The following ZMYM2 variants were observed in gnomAD, a reference collection of about 807,000 sequenced individuals.
The protein encoded by ZMYM2 is zinc finger MYM-type protein 2.
Under a neutral mutation model 162.8 loss-of-function variants are expected in ZMYM2, and 56 were observed. The ratio of observed to expected loss-of-function variants is 0.34; its 90% CI spans 0.28 to 0.43. The LOEUF (loss-of-function observed/expected upper bound fraction) is 0.43, where lower values mean the gene tolerates loss of function less well. Ranked by LOEUF, ZMYM2 falls within the 20% of genes least tolerant of loss-of-function variation. The probability of loss-of-function intolerance (pLI) is 1.00; values close to 1 mark genes in which losing one functional copy is unlikely to be tolerated. For synonymous variants in ZMYM2, 510 were observed against 541.6 expected, an observed-to-expected ratio of 0.94 and a Z score of 0.81; for missense variants, 1,275 against 1,621.8, an observed-to-expected ratio of 0.79 and a Z score of 3.67.
At chr13:19,892,126 A>G in the ZMYM2 span, among the ~76,000 whole-genome samples, 3 of 151,758 alleles carry the variant, frequency 2.0e-5, no homozygotes, top group Admixed American at 6.6e-5. Context: ...TTTTTTTTGT[A>G]GAAATGAAGT....
At chr13:20,047,934 C>A (rs1243615021) in intron 12 of ZMYM2, among the ~76,000 whole-genome samples, 3 of 151,910 alleles carry the variant, frequency 2.0e-5, no homozygotes, top group Non-Finnish European at 2.9e-5. Context: ...AATGAAAAAC[C>A]TGATAGTTCT....
At chr13:19,942,717 A>C in the ZMYM2 span, among the ~76,000 whole-genome samples, 1 of 152,044 alleles carries the variant, frequency 6.6e-6, no homozygotes, top group Non-Finnish European at 1.5e-5. Context: ...CTCAAAAAAA[A>C]ATCAATCAAT....
chr13:19,996,274 A>G (rs1950011618), intron 3 of ZMYM2, among the ~76,000 whole-genome samples: 2 of 152,140 alleles, frequency 1.3e-5, no homozygotes, highest in African/African-American at 2.4e-5. Context: ...TGCTTAGAAA[A>G]TCTATAATTT....
At chr13:19,884,718 GAA>G in the ZMYM2 span, among the ~76,000 whole-genome samples, 11 of 152,094 alleles carry the variant, frequency 7.2e-5, no homozygotes, top group African/African-American at 1.4e-4. Flanking sequence ...TCCTGGTCCA[GAA>G]AAAAAGACAC....
chr13:19,885,847 CAAAAAAAA>C, the ZMYM2 span, among the ~76,000 whole-genome samples: 1 of 23,110 alleles, frequency 4.3e-5, no homozygotes, highest in African/African-American at 9.3e-5. Context: ...AACTCTGTCT[CAAAAAAAA>C]AAAAAAAATA....
intron 2 of ZMYM2, 84 bp from the exon 3 acceptor site, chr13:19,992,979 G>A (rs1949744540): frequency 5.0e-6 from 7 of 1,404,622 alleles, no homozygotes; most frequent in Non-Finnish European, 6.6e-6. Flanking sequence ...TAAAATAAAA[G>A]TACCCTTTAA....
intron 12 of ZMYM2, among the ~76,000 whole-genome samples, chr13:20,038,836 T>G (rs1443556471): frequency 6.6e-6 from 1 of 151,990 alleles, no homozygotes; most frequent in African/African-American, 2.4e-5. Flanking sequence ...GGTAGTTTAA[T>G]GGGAATAGCA....
intron 14 of ZMYM2, among the ~76,000 whole-genome samples, chr13:20,055,667 G>A (rs1955737700): frequency 6.6e-6 from 1 of 152,134 alleles, no homozygotes; most frequent in Non-Finnish European, 1.5e-5. Context: ...CAACATTATC[G>A]TACATCTAGA....
intron 12 of ZMYM2, among the ~76,000 whole-genome samples, chr13:20,048,535 T>C (rs1002837471): frequency 3.3e-5 from 5 of 151,988 alleles, no homozygotes; most frequent in Non-Finnish European, 5.9e-5. Flanking sequence ...CCTATCTTTT[T>C]CGTATTCATG....
At chr13:19,916,991 C>T in the ZMYM2 span, among the ~76,000 whole-genome samples, 1 of 152,178 alleles carries the variant, frequency 6.6e-6, no homozygotes, top group Non-Finnish European at 1.5e-5. Context: ...GAGACGGAGT[C>T]TCGCTCTGTC....
intron 3 of ZMYM2, among the ~76,000 whole-genome samples, chr13:19,998,605 T>C (rs1324595574): frequency 6.6e-6 from 1 of 152,220 alleles, no homozygotes; most frequent in Non-Finnish European, 1.5e-5. Context: ...TTATTGAAAC[T>C]GGTCAGTTAC....
At chr13:20,085,752 C>T in intron 24 of ZMYM2, 70 bp from the exon 25 acceptor site, 1 of 1,454,904 alleles carries the variant, frequency 6.9e-7, no homozygotes, top group Non-Finnish European at 9.2e-7. Flanking sequence ...CTGAATTATT[C>T]TTGAAAAAAG....
intron 9 of ZMYM2, among the ~76,000 whole-genome samples, chr13:20,028,656 G>A (rs1952793941): frequency 6.6e-6 from 1 of 152,100 alleles, no homozygotes; most frequent in South Asian, 2.1e-4. Flanking sequence ...GTAACCTACA[G>A]TGCAAGTCTT....
chr13:19,912,292 G>GTTTTTTTTTTTTTTTTTTTTTTTGTT, the ZMYM2 span, among the ~76,000 whole-genome samples: 1 of 75,702 alleles, frequency 1.3e-5, no homozygotes, highest in Non-Finnish European at 2.5e-5. Flanking sequence ...TGTTTTTTGG[G>GTTTTTTTTTTTTTTTTTTTTTTTGTT]TTTTTTTTTT....
rs941190200 is a variant in ZMYM2, at chr13:20,087,063, C to G, written c.*1049C>G. On this transcript the variant is annotated 3_prime_UTR_variant, in exon 25 of 25. Transcript: ENST00000610343. ...TTGGATAAAATTGTTTTTAGAAATT[C>G]CACTCCTGAAATAGTTACAGAAAGT... The G allele has an allele frequency of 1.6e-5, 3 of 183,476 alleles. No homozygotes were observed. In the East Asian group the frequency reaches 2.6e-4, roughly 16 times the overall value. The allele number at this position is 183,476 out of a possible 1,614,324, so 11.4% of individuals were successfully genotyped here. A position where few individuals can be genotyped will look rare whatever the true frequency, so the allele number is the denominator to read the frequency against.
chr13:19,906,284 GTATATATATATATATATATATA>G, the ZMYM2 span, among the ~76,000 whole-genome samples: 217 of 63,790 alleles, frequency 3.4e-3, 3 homozygotes, highest in South Asian at 6.4e-3. Context: ...TCAAAAAAAA[GTATATATATATATATATATATA>G]TATATATATA....
chr13:20,029,472 C>T (rs1220717694), intron 9 of ZMYM2, among the ~76,000 whole-genome samples: 1 of 152,108 alleles, frequency 6.6e-6, no homozygotes, highest in Non-Finnish European at 1.5e-5. Flanking sequence ...TAATGGGGCT[C>T]AAATTTTTTG....
At position 20,006,261 on chromosome 13, in the gene ZMYM2, T is replaced by G. The variant is rs1950741575; in HGVS notation, c.1300-113T>G. On this transcript the variant is annotated intron_variant, in intron 5 of 24. Coordinates refer to ENST00000610343, the MANE Select transcript of ZMYM2 (RefSeq NM_197968.4). ...AAAAAAAAAAAAATTTTTTTTTTCC[T>G]TTTCTCCAAACAAGCCTTATTAGGA... 4 of 1,187,642 alleles carry G rather than the reference T, an allele frequency of 3.4e-6. No homozygotes were observed. In the Admixed American group the frequency reaches 8.9e-5, roughly 26 times the overall value. 73.6% of individuals were successfully genotyped at this position (1,187,642 alleles called of 1,614,324 possible).
intron 5 of ZMYM2, among the ~76,000 whole-genome samples, chr13:20,006,042 G>A (rs1998512): frequency 0.027 from 4,139 of 152,170 alleles, 121 homozygotes; most frequent in East Asian, 0.13. Flanking sequence ...AATCAGCCTG[G>A]GAAGCATAGT....
Sources: gnomAD v4.1 joint callset for allele counts (sites outside exome capture counted in the v4.1 genomes callset) on GRCh38, gnomAD v4.1.1 for gene constraint, MANE v1.5 for transcripts, NCBI Gene and HGNC (gene_info 2026-07-23, HGNC 2026-07-21) for gene names.